Variants in RARB observed in about 807,000 individuals in gnomAD.
RARB encodes the protein retinoic acid receptor beta, also known as HBV-activated protein.
In RARB, 17 loss-of-function variants were observed where a neutral mutation model predicts 51.9. The observed-to-expected ratio is 0.33, with a 90% CI of 0.22 to 0.49. The LOEUF (loss-of-function observed/expected upper bound fraction) is 0.49. RARB is among the 20% of genes least tolerant of loss of function. RARB has a pLI of 0.99. For missense variants in RARB, 369 were observed against 550.8 expected (o/e 0.67, Z 3.30); for synonymous variants, 215 against 195.4 (o/e 1.10, Z -0.84).
chr3:25,199,264 A>T (rs1216823659), intron 5 of RARB, among the ~76,000 whole-genome samples: 2 of 151,872 alleles, frequency 1.3e-5, no homozygotes, highest in African/African-American at 4.8e-5. Context: ...GAACTCATGG[A>T]GAAAGTGAGT....
chr3:25,559,166 G>A (rs1034617964), intron 3 of RARB, among the ~76,000 whole-genome samples: 14 of 151,998 alleles, frequency 9.2e-5, no homozygotes, highest in Non-Finnish European at 1.5e-4. Flanking sequence ...AGGCCTTTGC[G>A]CACATTGGTC....
At chr3:24,958,942 G>A (rs77322497) in intron 2 of RARB, among the ~76,000 whole-genome samples, 4,709 of 152,308 alleles carry the variant, frequency 0.031, 154 homozygotes, top group East Asian at 0.17. Context: ...AACCCTTGTG[G>A]GAGGGGGATC....
At chr3:25,565,093 C>T (rs1490622939) in intron 3 of RARB, among the ~76,000 whole-genome samples, 1 of 152,196 alleles carries the variant, frequency 6.6e-6, no homozygotes, top group East Asian at 1.9e-4. Flanking sequence ...TACACAGGCA[C>T]AGCTCCCTGT....
At chr3:25,536,434 A>T (rs1699144509) in intron 3 of RARB, among the ~76,000 whole-genome samples, 1 of 152,212 alleles carries the variant, frequency 6.6e-6, no homozygotes, top group Non-Finnish European at 1.5e-5. Context: ...AGATTATGCC[A>T]ATTCATTACA....
At chr3:25,580,781 G>A in intron 5 of RARB, 59 bp downstream of exon 5, 1 of 1,477,682 alleles carries the variant, frequency 6.8e-7, no homozygotes, top group African/African-American at 1.4e-5. Context: ...ACCGTGGAGG[G>A]GAGGGAGGGG....
intron 5 of RARB, among the ~76,000 whole-genome samples, chr3:25,390,926 G>C (rs1706935358): frequency 1.3e-5 from 2 of 151,864 alleles, no homozygotes; most frequent in Admixed American, 6.6e-5. Context: ...ATAGGTTTTG[G>C]GGGAACAGGC....
chr3:24,976,280 T>C (rs1696510505), intron 2 of RARB, among the ~76,000 whole-genome samples: 1 of 152,202 alleles, frequency 6.6e-6, no homozygotes, highest in African/African-American at 2.4e-5. Context: ...TTTTGGTATA[T>C]ACTTAGTAAT....
At chr3:25,048,924 T>A (rs1007054700) in intron 2 of RARB, among the ~76,000 whole-genome samples, 1 of 152,018 alleles carries the variant, frequency 6.6e-6, no homozygotes, top group African/African-American at 2.4e-5. Context: ...GGCTAACTTT[T>A]TGTATTTTTA....
In RARB at chr3:24,984,990, G is replaced by A. The variant is rs7644844; in HGVS notation, c.-379-75135G>A. 6.5e-3 allele frequency among the ~76,000 whole-genome samples: 995 copies of A among 152,282 alleles called. 9 individuals carry two copies. The highest frequency in any genetic ancestry group is 0.023 in the African/African-American group (946 of 41,562). The stretch of plus-strand genomic sequence containing the variant: ...AGCTCAGTTTTTTCGACTGGAAAGT[G>A]GGAATTTTGACTTTCAGAATTCAAA... On this transcript the variant is annotated intron_variant, in intron 2 of 11. Coordinates refer to the RARB transcript ENST00000383772.
intron 3 of RARB, among the ~76,000 whole-genome samples, chr3:25,077,243 G>A (rs1293155475): frequency 1.3e-5 from 2 of 152,170 alleles, no homozygotes; most frequent in South Asian, 2.1e-4. Context: ...CATAGTGAAT[G>A]TGCAGATCTT....
intron 2 of RARB, among the ~76,000 whole-genome samples, chr3:24,997,770 A>G (rs1170429731): frequency 6.6e-6 from 1 of 152,194 alleles, no homozygotes; most frequent in Non-Finnish European, 1.5e-5. Context: ...CCTATTCAGC[A>G]TAAATTTTTT....
At chr3:25,057,817 T>A (rs999175399) in intron 2 of RARB, among the ~76,000 whole-genome samples, 1 of 152,000 alleles carries the variant, frequency 6.6e-6, no homozygotes, top group Non-Finnish European at 1.5e-5. Context: ...AATTTTTTTT[T>A]ACCATCGAAA....
intron 5 of RARB, among the ~76,000 whole-genome samples, chr3:25,290,588 A>C (rs1703763165): frequency 6.6e-6 from 1 of 152,196 alleles, no homozygotes. Context: ...AAAACGTTCA[A>C]AAGGCTTTAC....
intron 2 of RARB, among the ~76,000 whole-genome samples, chr3:25,041,215 C>T (rs1698107522): frequency 6.6e-6 from 1 of 152,082 alleles, no homozygotes; most frequent in Non-Finnish European, 1.5e-5. Context: ...TTTCCAAGGC[C>T]TGGGGGATGT....
At chr3:25,134,526 G>A (rs1700000096) in intron 4 of RARB, among the ~76,000 whole-genome samples, 1 of 151,930 alleles carries the variant, frequency 6.6e-6, no homozygotes, top group Admixed American at 6.6e-5. Flanking sequence ...GCTAAAACGT[G>A]TACAGTTCTG....
chr3:25,348,470 C>T (rs954700392), intron 5 of RARB, among the ~76,000 whole-genome samples: 5 of 144,638 alleles, frequency 3.5e-5, no homozygotes, highest in African/African-American at 1.3e-4. Context: ...AGGAATCAAG[C>T]CGCTTGGCCA....
chr3:24,870,905 T>A (rs1252560773), intron 2 of RARB, among the ~76,000 whole-genome samples: 1 of 152,118 alleles, frequency 6.6e-6, no homozygotes, highest in Non-Finnish European at 1.5e-5. Context: ...TTCCCTTCTT[T>A]TCATTGTCTT....
chr3:25,279,492 T>C (rs1286576318), intron 5 of RARB, among the ~76,000 whole-genome samples: 5 of 152,098 alleles, frequency 3.3e-5, no homozygotes, highest in Non-Finnish European at 7.4e-5. Flanking sequence ...GGACTCTTGA[T>C]TGAGAAAAGT....
chr3:25,476,972 C>T (rs1028103401), intron 2 of RARB, among the ~76,000 whole-genome samples: 1 of 152,116 alleles, frequency 6.6e-6, no homozygotes, highest in Admixed American at 6.6e-5. Flanking sequence ...GATGTAGGCA[C>T]TCAATAAACG....
Sources: allele counts gnomAD v4.1 joint callset (sites outside exome capture counted in the v4.1 genomes callset), GRCh38; gene constraint gnomAD v4.1.1; transcripts MANE v1.5; gene names NCBI Gene and HGNC (gene_info 2026-07-23, HGNC 2026-07-21).